TRPM3: variants seen among roughly 807,000 people sequenced by gnomAD.
The protein encoded by TRPM3 is long transient receptor potential channel 3.
In TRPM3, 77 loss-of-function variants were observed where a neutral mutation model predicts 181.2. That is an observed-to-expected ratio of 0.42 (90% CI 0.35 to 0.51). The LOEUF (loss-of-function observed/expected upper bound fraction) is 0.51, where lower values mean the gene tolerates loss of function less well. Among genes scored for constraint, TRPM3 ranks in the 20% least tolerant of loss-of-function variants. TRPM3 has a pLI of 0.01. For missense variants in TRPM3, 1,759 were observed against 2,196.7 expected (o/e 0.80, Z 3.98); for synonymous variants, 745 against 796.4 (o/e 0.94, Z 1.09).
chr9:70,912,252 T>G (rs2096545540), intron 1 of TRPM3, among the ~76,000 whole-genome samples: 1 of 152,224 alleles, frequency 6.6e-6, no homozygotes, highest in South Asian at 2.1e-4. Flanking sequence ...CCAGGCACTT[T>G]ATAATTCTCA....
At chr9:71,103,534 C>T (rs2068809405) in intron 1 of TRPM3, among the ~76,000 whole-genome samples, 1 of 152,048 alleles carries the variant, frequency 6.6e-6, no homozygotes, top group Non-Finnish European at 1.5e-5. Context: ...TTAGAGGAGA[C>T]AAAAAATATC....
chr9:71,367,861 C>T lies in TRPM3; in HGVS notation c.183+78792G>A, dbSNP rs373881903. The stretch of plus-strand genomic sequence containing the variant: ...GGACAGGCATATGTTGCTTTTTGCC[C>T]TCCTAACGGTTATTTTCTCCTACTT... On this transcript the variant is annotated intron_variant, in intron 1 of 24. Coordinates refer to the TRPM3 transcript ENST00000357533. Among the ~76,000 whole-genome samples, 12 of 152,276 alleles carry T rather than the reference C, an allele frequency of 7.9e-5. No individual in the cohort carries two copies. In the East Asian group the frequency reaches 2.1e-3, roughly 27 times the overall value.
intron 1 of TRPM3, among the ~76,000 whole-genome samples, chr9:71,250,405 G>A (rs1296515229): frequency 1.3e-5 from 2 of 151,718 alleles, no homozygotes; most frequent in African/African-American, 2.4e-5. Flanking sequence ...AATTATTTTT[G>A]GACCATCTTC....
chr9:70,895,032 GC>G (rs1206883881), intron 1 of TRPM3, among the ~76,000 whole-genome samples: 1 of 152,106 alleles, frequency 6.6e-6, no homozygotes, highest in East Asian at 1.9e-4. Flanking sequence ...TTCTTCATCA[GC>G]CCAAAGATGC....
chr9:71,213,176 AGG>A (rs2079617445), intron 1 of TRPM3, among the ~76,000 whole-genome samples: 1 of 152,210 alleles, frequency 6.6e-6, no homozygotes, highest in African/African-American at 2.4e-5. Context: ...ATGCAGCCAT[AGG>A]TAATATGTAT....
At chr9:71,374,662 T>C (rs1188042031) in intron 1 of TRPM3, among the ~76,000 whole-genome samples, 1 of 152,176 alleles carries the variant, frequency 6.6e-6, no homozygotes, top group Non-Finnish European at 1.5e-5. Flanking sequence ...AAATTGTCAT[T>C]GTTTGCAGGT....
At chr9:71,047,984 A>G (rs2059651149) in intron 1 of TRPM3, among the ~76,000 whole-genome samples, 1 of 152,196 alleles carries the variant, frequency 6.6e-6, no homozygotes, top group Non-Finnish European at 1.5e-5. Context: ...TTATTTGTTC[A>G]ATAAACGAAT....
In TRPM3 at chr9:70,629,215, C is replaced by CGGCGG. The variant is rs2065248837; in HGVS notation, c.1633-3699_1633-3698insCCGCC. ...GGATAAATGATTCTGTGACCAGTGC[C>CGGCGG]GGGGGGGGGGGGGGCCTGCGTTCTG... On this transcript the variant is annotated intron_variant, in intron 12 of 25. Coordinates refer to ENST00000677713, the MANE Select transcript of TRPM3 (RefSeq NM_001366145.2). Among the ~76,000 whole-genome samples the CGGCGG allele has an allele frequency of 3.0e-4, 3 of 10,162 alleles. 1 individual carries two copies. The highest frequency in any genetic ancestry group is 7.5e-4 in the Non-Finnish European group (3 of 4,000). 6.7% of individuals were successfully genotyped at this position (10,162 alleles called of 152,430 possible). A position where few individuals can be genotyped will look rare whatever the true frequency, so the allele number is the denominator to read the frequency against.
At chr9:70,851,866 C>T (rs2095241357) in intron 3 of TRPM3, among the ~76,000 whole-genome samples, 1 of 152,110 alleles carries the variant, frequency 6.6e-6, no homozygotes, top group East Asian at 1.9e-4. Context: ...ACCTGTAATC[C>T]TAGCACTTTG....
Position 70,620,135 on chromosome 9 carries a change from A to T in TRPM3, c.2070T>A (p.His690Gln). 6.2e-7 allele frequency: 1 copy of T among 1,614,052 alleles called. No individual in the cohort carries two copies. The highest frequency in any genetic ancestry group is 8.5e-7 in the Non-Finnish European group (1 of 1,179,906). ...CAACCATGTCGTTCTCAGAGGCCTCATGAGCCATGGCTTTGCAGAGCTTGC... is the reference window on the plus strand; with the variant it reads ...CAACCATGTCGTTCTCAGAGGCCTCTTGAGCCATGGCTTTGCAGAGCTTGC... ...VACKLCKAMA[H>Q]EASENDMVDD... Residue 690 changes from histidine (H) to glutamine (Q), a missense_variant, in exon 16 of 26, where the codon CAT (histidine) becomes CAA (glutamine). This residue lies in a region of TRPM3 where 737 missense variants were observed against 957.4 expected (regional missense o/e 0.77). Transcript: ENST00000677713.
At chr9:71,205,021 C>T (rs1334636650) in intron 1 of TRPM3, among the ~76,000 whole-genome samples, 2 of 151,904 alleles carry the variant, frequency 1.3e-5, no homozygotes, top group African/African-American at 4.8e-5. Flanking sequence ...AATGAGAACA[C>T]ATGGACACAG....
chr9:70,676,086 G>A (rs1385940787), intron 9 of TRPM3, among the ~76,000 whole-genome samples: 3 of 152,156 alleles, frequency 2.0e-5, no homozygotes, highest in African/African-American at 7.2e-5. Context: ...ACATTTATGA[G>A]GAGAAACATA....
intron 1 of TRPM3, among the ~76,000 whole-genome samples, chr9:71,197,074 T>C (rs951377821): frequency 3.3e-5 from 5 of 152,144 alleles, no homozygotes; most frequent in Non-Finnish European, 7.4e-5. Context: ...CCTGTGTCCA[T>C]GTGTTCTCAT....
intron 1 of TRPM3, among the ~76,000 whole-genome samples, chr9:70,977,434 C>A (rs1190553129): frequency 6.6e-6 from 1 of 152,282 alleles, no homozygotes; most frequent in Middle Eastern, 3.4e-3. Flanking sequence ...ACGCCTGGCC[C>A]AGTCTGAACT....
At chr9:71,300,242 G>C (rs539642189) in intron 1 of TRPM3, among the ~76,000 whole-genome samples, 4 of 152,104 alleles carry the variant, frequency 2.6e-5, no homozygotes, top group African/African-American at 9.6e-5. Context: ...ATATAATCTC[G>C]TTGGTGGTCA....
rs1431283891 is a variant in TRPM3 at position 71,283,503 on chromosome 9, A to G, written c.183+163150T>C. On this transcript the variant is annotated intron_variant, in intron 1 of 24. Transcript: ENST00000357533. ...TTTTTCTTAGTAGAGATGGGGTTTC[A>G]CCGTGTTAGCCAGGATGGTCTCAAT... Among the ~76,000 whole-genome samples the G allele has an allele frequency of 2.0e-5, 3 of 151,762 alleles. 1 individual carries two copies. The highest frequency in any genetic ancestry group is 7.3e-5 in the African/African-American group (3 of 41,276).
intron 3 of TRPM3, among the ~76,000 whole-genome samples, chr9:70,854,491 C>T (rs918867305): frequency 7.2e-5 from 11 of 152,074 alleles, no homozygotes; most frequent in African/African-American, 1.9e-4. Context: ...TATATATGGC[C>T]CCTGGGTATA....
rs1327244794 is a variant in TRPM3 at position 70,535,862 on chromosome 9, C to T, written c.*91G>A. 1 of 1,517,594 alleles carries T rather than the reference C, an allele frequency of 6.6e-7. No homozygotes were observed. Among genetic ancestry groups the T allele is most frequent in the Non-Finnish European group, 8.8e-7 (1 of 1,137,892 alleles). 94.0% of individuals were successfully genotyped at this position (1,517,594 alleles called of 1,614,324 possible). A position where few individuals can be genotyped will look rare whatever the true frequency, so the allele number is the denominator to read the frequency against. ...TTGTTTTGCTCAGCTAAGAATAAAG[C>T]AGGTATGATTCAAGGAAAGGGGAAA... On this transcript the variant is annotated 3_prime_UTR_variant, in exon 26 of 26. Coordinates refer to ENST00000677713, the MANE Select transcript of TRPM3 (RefSeq NM_001366145.2).
At chr9:70,699,551 T>A (rs923438326) in intron 8 of TRPM3, among the ~76,000 whole-genome samples, 2 of 152,132 alleles carry the variant, frequency 1.3e-5, no homozygotes, top group African/African-American at 2.4e-5. Context: ...CACTAGGCCT[T>A]GAGCCAGGCA....
Sources: allele counts gnomAD v4.1 joint callset (sites outside exome capture counted in the v4.1 genomes callset), GRCh38; gene constraint gnomAD v4.1.1; regional missense constraint gnomAD v4.1.1; transcripts MANE v1.5; gene names NCBI Gene and HGNC (gene_info 2026-07-23, HGNC 2026-07-21).